The following GPC5 variants were observed in gnomAD, a reference collection of about 807,000 sequenced individuals.
GPC5 encodes the protein glypican 5.
GPC5 carries 47 observed loss-of-function variants against 53.9 expected under a neutral mutation model. The observed-to-expected ratio is 0.87, with a 90% CI of 0.69 to 1.11. GPC5 has a LOEUF of 1.11. Ranked by LOEUF, GPC5 falls within the 50% of genes most tolerant of loss-of-function variation. The pLI is 0.00. For missense variants in GPC5, 748 were observed against 713.1 expected, an observed-to-expected ratio of 1.05 and a Z score of -0.56; for synonymous variants, 286 against 263.3, an observed-to-expected ratio of 1.09 and a Z score of -0.84.
At chr13:91,925,596 G>T (rs1374679834) in intron 6 of GPC5, among the ~76,000 whole-genome samples, 1 of 152,174 alleles carries the variant, frequency 6.6e-6, no homozygotes, top group African/African-American at 2.4e-5. Flanking sequence ...CTGTTTTGAA[G>T]AAAGTGGTGA....
chr13:92,269,526 C>T (rs7988578), intron 7 of GPC5, among the ~76,000 whole-genome samples: 52,454 of 151,992 alleles, frequency 0.35, 9,720 homozygotes, highest in African/African-American at 0.48. Context: ...CTGCCTCAGC[C>T]TCCCAAGTAG....
intron 7 of GPC5, among the ~76,000 whole-genome samples, chr13:92,727,461 C>T (rs1236995019): frequency 6.6e-6 from 1 of 151,370 alleles, no homozygotes. Context: ...TTTTCCTTTG[C>T]CTCATCACAG....
chr13:91,840,759 T>TA (rs201241947), intron 5 of GPC5, among the ~76,000 whole-genome samples: 40 of 150,976 alleles, frequency 2.6e-4, no homozygotes, highest in African/African-American at 4.4e-4. Context: ...TTTTTTTTTT[T>TA]AAAAAACATG....
chr13:92,106,696 G>A (rs2041513089), intron 6 of GPC5, among the ~76,000 whole-genome samples: 1 of 152,090 alleles, frequency 6.6e-6, no homozygotes, highest in Non-Finnish European at 1.5e-5. Flanking sequence ...TTGTTCATGT[G>A]TGCTAATTTT....
chr13:91,850,534 T>C (rs1162286366), intron 5 of GPC5, among the ~76,000 whole-genome samples: 1 of 152,208 alleles, frequency 6.6e-6, no homozygotes, highest in Non-Finnish European at 1.5e-5. Flanking sequence ...AAAAGAAGTC[T>C]GATCTTCCCT....
intron 7 of GPC5, among the ~76,000 whole-genome samples, chr13:92,683,490 A>C (rs897129005): frequency 5.3e-5 from 8 of 152,216 alleles, no homozygotes; most frequent in Non-Finnish European, 8.8e-5. Context: ...TCTAGGAATT[A>C]ATGAAATTGG....
chr13:91,619,074 T>C (rs2033780514), intron 2 of GPC5, among the ~76,000 whole-genome samples: 1 of 152,030 alleles, frequency 6.6e-6, no homozygotes. Flanking sequence ...GGATGAATAT[T>C]AGAAAGAGGA....
chr13:91,631,389 C>T (rs2034154504), intron 2 of GPC5, among the ~76,000 whole-genome samples: 1 of 152,040 alleles, frequency 6.6e-6, no homozygotes, highest in Admixed American at 6.6e-5. Flanking sequence ...CTTTAAAAAT[C>T]ACTAGCCATT....
intron 2 of GPC5, among the ~76,000 whole-genome samples, chr13:91,536,519 T>TATTG (rs2138703330): frequency 6.6e-6 from 1 of 152,292 alleles, no homozygotes; most frequent in African/African-American, 2.4e-5. Flanking sequence ...ACCTGAAAAG[T>TATTG]ATTGTCTCAC....
intron 7 of GPC5, among the ~76,000 whole-genome samples, chr13:92,678,723 G>C (rs1039377891): frequency 6.6e-6 from 1 of 152,110 alleles, no homozygotes; most frequent in Non-Finnish European, 1.5e-5. Flanking sequence ...GGCAATAGAG[G>C]CTGATATGGT....
intron 2 of GPC5, among the ~76,000 whole-genome samples, chr13:91,513,256 G>T (rs749693215): frequency 6.6e-6 from 1 of 152,178 alleles, no homozygotes; most frequent in Non-Finnish European, 1.5e-5. Flanking sequence ...CCTGCTTGGT[G>T]AGATTTTTAT....
rs797003315 is a variant in GPC5 at position 92,535,680 on chromosome 13, C to A, written c.1562-330602C>A. On this transcript the variant is annotated intron_variant, in intron 7 of 7. Coordinates refer to ENST00000377067, the MANE Select transcript of GPC5 (RefSeq NM_004466.6). Reference sequence around the variant, plus strand: ...TTTCTATGTTTATTAAAAAAAAAAACAACCAGTCTGTGGGACTATTGGGTT... The same window carrying A: ...TTTCTATGTTTATTAAAAAAAAAAAAAACCAGTCTGTGGGACTATTGGGTT... Among the ~76,000 whole-genome samples the A allele has an allele frequency of 4.4e-3, 628 of 142,092 alleles. 1 individual carries two copies. The highest frequency in any genetic ancestry group is 0.012 in the African/African-American group (447 of 37,616). 93.2% of individuals were successfully genotyped at this position (142,092 alleles called of 152,430 possible).
At chr13:92,527,615 T>C (rs1383183434) in intron 7 of GPC5, among the ~76,000 whole-genome samples, 1 of 152,130 alleles carries the variant, frequency 6.6e-6, no homozygotes, top group African/African-American at 2.4e-5. Context: ...AGATGGTTAT[T>C]ACAACTCTCT....
chr13:92,367,107 C>T (rs980699195), intron 7 of GPC5, among the ~76,000 whole-genome samples: 5 of 151,974 alleles, frequency 3.3e-5, no homozygotes, highest in Admixed American at 6.6e-5. Flanking sequence ...ACTAGTAAGG[C>T]ACACCAAGAA....
At chr13:91,805,587 T>C (rs1393540729) in intron 5 of GPC5, among the ~76,000 whole-genome samples, 1 of 152,176 alleles carries the variant, frequency 6.6e-6, no homozygotes, top group Non-Finnish European at 1.5e-5. Context: ...TATTAAAACA[T>C]TTATAAATGG....
At chr13:91,513,750 A>AAAT (rs1234200280) in intron 2 of GPC5, among the ~76,000 whole-genome samples, 1 of 152,108 alleles carries the variant, frequency 6.6e-6, no homozygotes, top group Admixed American at 6.6e-5. Flanking sequence ...CAAAAAAAAG[A>AAAT]AATAATAATA....
intron 6 of GPC5, among the ~76,000 whole-genome samples, chr13:92,074,761 T>C (rs2138870697): frequency 6.6e-6 from 1 of 152,278 alleles, no homozygotes; most frequent in South Asian, 2.1e-4. Flanking sequence ...TAATGTATGG[T>C]AACCAGAATA....
At chr13:91,788,573 A>G (rs2037914097) in intron 5 of GPC5, among the ~76,000 whole-genome samples, 1 of 152,242 alleles carries the variant, frequency 6.6e-6, no homozygotes, top group Non-Finnish European at 1.5e-5. Flanking sequence ...ATCCAGAATT[A>G]TCCTAACTTT....
At chr13:91,565,585 A>G (rs1473560302) in intron 2 of GPC5, among the ~76,000 whole-genome samples, 1 of 152,228 alleles carries the variant, frequency 6.6e-6, no homozygotes, top group East Asian at 1.9e-4. Flanking sequence ...AGAGACTATT[A>G]ATGTTAAAAT....
Sources: gnomAD v4.1 joint callset for allele counts (sites outside exome capture counted in the v4.1 genomes callset) on GRCh38, gnomAD v4.1.1 for gene constraint, MANE v1.5 for transcripts, NCBI Gene and HGNC (gene_info 2026-07-23, HGNC 2026-07-21) for gene names.